The following MAF variants were observed in gnomAD, a reference collection of about 807,000 sequenced individuals.
MAF encodes the protein transcription factor Maf.
MAF carries 10 observed loss-of-function variants against 22.0 expected under a neutral mutation model. The ratio of observed to expected loss-of-function variants is 0.45; its 90% CI spans 0.28 to 0.77. MAF has a LOEUF of 0.77. MAF is among the 30% of genes least tolerant of loss of function. The probability of loss-of-function intolerance (pLI) is 0.12; values close to 1 mark genes in which losing one functional copy is unlikely to be tolerated. For missense variants in MAF, 544 were observed against 548.4 expected (o/e 0.99, Z 0.08); for synonymous variants, 337 against 255.8 (o/e 1.32, Z -3.03).
the MAF span, among the ~76,000 whole-genome samples, chr16:79,533,801 G>C: frequency 6.6e-6 from 1 of 152,192 alleles, no homozygotes; most frequent in Non-Finnish European, 1.5e-5. Flanking sequence ...GATGTGGAGA[G>C]ATGAATTTTC....
the MAF span, among the ~76,000 whole-genome samples, chr16:79,210,845 G>A: frequency 6.6e-6 from 1 of 152,120 alleles, no homozygotes; most frequent in Non-Finnish European, 1.5e-5. Context: ...TTACTCAAAA[G>A]GTGAATGAAA....
At chr16:79,409,546 G>T in the MAF span, among the ~76,000 whole-genome samples, 1 of 152,192 alleles carries the variant, frequency 6.6e-6, no homozygotes, top group Non-Finnish European at 1.5e-5. Flanking sequence ...CAACTGCTGG[G>T]CTCTCTTTGC....
the MAF span, among the ~76,000 whole-genome samples, chr16:79,352,108 T>C: frequency 6.6e-6 from 1 of 152,106 alleles, no homozygotes; most frequent in East Asian, 1.9e-4. Context: ...TGGCACCTGC[T>C]TGAGGGACCT....
At chr16:79,309,106 T>G in the MAF span, among the ~76,000 whole-genome samples, 1 of 152,132 alleles carries the variant, frequency 6.6e-6, no homozygotes, top group Non-Finnish European at 1.5e-5. Flanking sequence ...CAAAAGGCTA[T>G]AGCAGTGCAA....
At chr16:79,502,146 G>A in the MAF span, among the ~76,000 whole-genome samples, 4 of 152,072 alleles carry the variant, frequency 2.6e-5, no homozygotes, top group Non-Finnish European at 5.9e-5. Flanking sequence ...GCCCCTTGTC[G>A]TGACAGCCAG....
the MAF span, among the ~76,000 whole-genome samples, chr16:79,509,714 C>T: frequency 6.6e-6 from 1 of 152,224 alleles, no homozygotes; most frequent in Non-Finnish European, 1.5e-5. Flanking sequence ...ATTGCCTCTC[C>T]CTCAATTTCT....
chr16:79,504,444 T>C, the MAF span, among the ~76,000 whole-genome samples: 1 of 152,234 alleles, frequency 6.6e-6, no homozygotes. Context: ...TTTGAGCCTA[T>C]GCTTTCTTAT....
chr16:79,373,001 C>A, the MAF span, among the ~76,000 whole-genome samples: 41 of 152,304 alleles, frequency 2.7e-4, no homozygotes, highest in East Asian at 7.9e-3. Flanking sequence ...CATCTCCAGG[C>A]ATTTCCTGTA....
At chr16:79,433,759 T>C in the MAF span, among the ~76,000 whole-genome samples, 63 of 152,254 alleles carry the variant, frequency 4.1e-4, no homozygotes, top group South Asian at 0.012. Flanking sequence ...AGAAATGAGA[T>C]GTAGGGCTGG....
chr16:79,316,613 G>A, the MAF span, among the ~76,000 whole-genome samples: 10 of 152,140 alleles, frequency 6.6e-5, no homozygotes, highest in Non-Finnish European at 1.2e-4. Flanking sequence ...CCCCTTGAGT[G>A]TCAGACAGCT....
the MAF span, among the ~76,000 whole-genome samples, chr16:79,310,647 C>G: frequency 6.6e-6 from 1 of 152,182 alleles, no homozygotes; most frequent in Non-Finnish European, 1.5e-5. Flanking sequence ...TCCCTGGTCA[C>G]GAACTGAGAT....
At chr16:79,381,702 C>A in the MAF span, among the ~76,000 whole-genome samples, 1 of 152,162 alleles carries the variant, frequency 6.6e-6, no homozygotes, top group African/African-American at 2.4e-5. Flanking sequence ...GCAGTCTTCT[C>A]TTGGAGAGAT....
At chr16:79,253,105 C>T in the MAF span, among the ~76,000 whole-genome samples, 2 of 152,204 alleles carry the variant, frequency 1.3e-5, no homozygotes, top group African/African-American at 4.8e-5. Context: ...TTACCCGGTC[C>T]TCCTGGAAAC....
the MAF span, among the ~76,000 whole-genome samples, chr16:79,254,724 A>C: frequency 7.9e-5 from 12 of 152,118 alleles, no homozygotes; most frequent in African/African-American, 2.9e-4. Flanking sequence ...CTCTCCACTC[A>C]GTTTGTCACC....
chr16:79,456,825 T>C, the MAF span, among the ~76,000 whole-genome samples: 1 of 152,144 alleles, frequency 6.6e-6, no homozygotes, highest in African/African-American at 2.4e-5. Flanking sequence ...TTGCTAAAAA[T>C]TAAACCTTGA....
At chr16:79,216,487 T>C in the MAF span, among the ~76,000 whole-genome samples, 1 of 152,220 alleles carries the variant, frequency 6.6e-6, no homozygotes, top group East Asian at 1.9e-4. Context: ...CATATGACTA[T>C]TGTTTCTTCC....
At chr16:79,550,404 A>G in the MAF span, among the ~76,000 whole-genome samples, 5 of 152,044 alleles carry the variant, frequency 3.3e-5, no homozygotes, top group Non-Finnish European at 1.5e-5. Flanking sequence ...TTGGTCCACC[A>G]TGAGTTGCAA....
At chr16:79,310,655 G>A in the MAF span, among the ~76,000 whole-genome samples, 1 of 152,276 alleles carries the variant, frequency 6.6e-6, no homozygotes, top group Non-Finnish European at 1.5e-5. Flanking sequence ...CACGAACTGA[G>A]ATCCCTTCTT....
At chr16:79,558,007 G>T in the MAF span, among the ~76,000 whole-genome samples, 12 of 151,956 alleles carry the variant, frequency 7.9e-5, no homozygotes, top group African/African-American at 2.7e-4. Context: ...AAATGGTTCA[G>T]GGGAAGCACA....
Sources: gnomAD v4.1 joint callset for allele counts (sites outside exome capture counted in the v4.1 genomes callset) on GRCh38, gnomAD v4.1.1 for gene constraint, MANE v1.5 for transcripts, NCBI Gene and HGNC (gene_info 2026-07-23, HGNC 2026-07-21) for gene names.